The following POU6F2 variants were observed in gnomAD, a reference collection of about 807,000 sequenced individuals.
POU6F2 encodes POU class 6 homeobox 2.
A neutral mutation model predicts 71.3 loss-of-function variants in POU6F2; 31 were observed. That is an observed-to-expected ratio of 0.43 (90% CI 0.33 to 0.59). The LOEUF is 0.59. POU6F2 is among the 20% of genes least tolerant of loss of function. POU6F2 has a pLI of 0.04. For synonymous variants in POU6F2, 347 were observed against 355.7 expected (o/e 0.98, Z 0.27); for missense variants, 783 against 856.8 (o/e 0.91, Z 1.07).
chr7:39,233,917 G>T (rs1285736871), intron 4 of POU6F2, among the ~76,000 whole-genome samples: 1 of 152,112 alleles, frequency 6.6e-6, no homozygotes, highest in Non-Finnish European at 1.5e-5. Context: ...TTTCCTCTGA[G>T]GCTTTTCATT....
intron 6 of POU6F2, among the ~76,000 whole-genome samples, chr7:39,424,340 G>A (rs568976225): frequency 4.6e-5 from 7 of 152,088 alleles, no homozygotes; most frequent in South Asian, 4.1e-4. Context: ...TATTTTCATC[G>A]TCCTACTTTC....
chr7:39,152,992 AAC>A (rs1476651825), intron 2 of POU6F2, among the ~76,000 whole-genome samples: 2 of 152,168 alleles, frequency 1.3e-5, no homozygotes, highest in African/African-American at 2.4e-5. Flanking sequence ...TGGGTAAGAA[AAC>A]ACACAGAGTT....
intron 8 of POU6F2, among the ~76,000 whole-genome samples, chr7:39,454,531 CTG>C (rs1278291015): frequency 6.6e-6 from 1 of 150,424 alleles, no homozygotes; most frequent in Non-Finnish European, 1.5e-5. Flanking sequence ...TTTAGGAACT[CTG>C]TGTCAAGAAG....
At chr7:39,012,854 G>C (rs1215322465) in intron 1 of POU6F2, among the ~76,000 whole-genome samples, 8 of 152,208 alleles carry the variant, frequency 5.3e-5, no homozygotes, top group Non-Finnish European at 1.0e-4. Flanking sequence ...AGGGGTCAGG[G>C]ACCCACTTGA....
At chr7:39,267,639 T>A (rs945382350) in intron 4 of POU6F2, among the ~76,000 whole-genome samples, 1 of 134,466 alleles carries the variant, frequency 7.4e-6, no homozygotes, top group African/African-American at 2.5e-5. Context: ...ATATTTTATT[T>A]ATTTTTTTTT....
chr7:39,223,902 G>A (rs1028578227), intron 4 of POU6F2, among the ~76,000 whole-genome samples: 3 of 152,072 alleles, frequency 2.0e-5, no homozygotes, highest in Non-Finnish European at 4.4e-5. Flanking sequence ...AATTAAGTTG[G>A]TTCTTCACTT....
intron 4 of POU6F2, among the ~76,000 whole-genome samples, chr7:39,286,401 A>G (rs1784650142): frequency 6.6e-6 from 1 of 152,188 alleles, no homozygotes; most frequent in South Asian, 2.1e-4. Context: ...TCCTAATGTC[A>G]TTGTTTTAGA....
chr7:39,006,373 A>G (rs1303909766), intron 1 of POU6F2, among the ~76,000 whole-genome samples: 1 of 152,126 alleles, frequency 6.6e-6, no homozygotes, highest in East Asian at 1.9e-4. Flanking sequence ...GTGAGGCAGG[A>G]GAATTGCTTG....
intron 4 of POU6F2, among the ~76,000 whole-genome samples, chr7:39,250,625 G>T (rs184212260): frequency 6.6e-6 from 1 of 152,258 alleles, no homozygotes; most frequent in East Asian, 1.9e-4. Context: ...CAGTGGAAAC[G>T]AGAGAGGAGA....
intron 8 of POU6F2, among the ~76,000 whole-genome samples, chr7:39,454,952 A>T (rs1470640010): frequency 6.6e-6 from 1 of 151,726 alleles, no homozygotes; most frequent in Admixed American, 6.6e-5. Context: ...AGATGTTCAT[A>T]TGCAAAGAAA....
intron 5 of POU6F2, chr7:39,373,679 G>A (rs1195464909): frequency 2.9e-6 from 1 of 348,674 alleles, no homozygotes; most frequent in African/African-American, 2.1e-5. Flanking sequence ...TAAAGAATAA[G>A]CTCCCAGATT....
At chr7:39,448,466 G>T (rs1788576722) in intron 7 of POU6F2, among the ~76,000 whole-genome samples, 1 of 152,134 alleles carries the variant, frequency 6.6e-6, no homozygotes, top group Non-Finnish European at 1.5e-5. Flanking sequence ...TAAAATAAAT[G>T]ATTATTTACT....
chr7:39,345,487 G>C (rs192730073), intron 5 of POU6F2, among the ~76,000 whole-genome samples: 1 of 152,280 alleles, frequency 6.6e-6, no homozygotes. Flanking sequence ...CAAGGAAGGG[G>C]CTAGAAATCC....
intron 1 of POU6F2, among the ~76,000 whole-genome samples, chr7:39,024,284 A>C (rs1789747510): frequency 6.6e-6 from 1 of 151,552 alleles, no homozygotes; most frequent in South Asian, 2.1e-4. Flanking sequence ...ATGGGAGTTC[A>C]CTCATGATTT....
chr7:39,460,501 GCT>G lies in POU6F2; in HGVS notation c.1490-45_1490-44del. ...AACCGTAATAAACAGATATTGCTCGGCTGTGTGTTGACGTATTGATCCTATTT... is the reference window on the plus strand; with the variant it reads ...AACCGTAATAAACAGATATTGCTCGGGTGTGTTGACGTATTGATCCTATTT... On this transcript the variant is annotated intron_variant, in intron 8 of 9. Transcript: ENST00000518318. The surrounding 1 kb of genome is among the most constrained non-coding windows in gnomAD (Gnocchi z 4.4). 1 of 1,593,382 alleles carries G rather than the reference GCT, an allele frequency of 6.3e-7. No individual in the cohort carries two copies. The highest frequency in any genetic ancestry group is 8.6e-7 in the Non-Finnish European group (1 of 1,167,550).
At chr7:39,259,311 G>A (rs948022472) in intron 4 of POU6F2, among the ~76,000 whole-genome samples, 3 of 152,112 alleles carry the variant, frequency 2.0e-5, no homozygotes, top group Non-Finnish European at 2.9e-5. Context: ...TGTAATCCTG[G>A]GTAAGTTATT....
At chr7:39,026,851 A>G (rs1406420249) in intron 1 of POU6F2, among the ~76,000 whole-genome samples, 2 of 152,266 alleles carry the variant, frequency 1.3e-5, no homozygotes, top group South Asian at 2.1e-4. Context: ...CATTTGTACT[A>G]TGATGATGGA....
chr7:39,035,921 A>T (rs1562680178), intron 1 of POU6F2, among the ~76,000 whole-genome samples: 2 of 151,290 alleles, frequency 1.3e-5, no homozygotes, highest in African/African-American at 2.4e-5. Context: ...TCAAATAAAC[A>T]TTTTTTTTTA....
intron 2 of POU6F2, among the ~76,000 whole-genome samples, chr7:39,092,058 C>A (rs1173461704): frequency 6.6e-6 from 1 of 152,192 alleles, no homozygotes; most frequent in Non-Finnish European, 1.5e-5. Flanking sequence ...CAGAGGCAAT[C>A]GGAGAAGCAG....
Sources: allele counts gnomAD v4.1 joint callset (sites outside exome capture counted in the v4.1 genomes callset), GRCh38; gene constraint gnomAD v4.1.1; non-coding constraint Gnocchi (gnomAD v3.1); transcripts MANE v1.5; gene names NCBI Gene and HGNC (gene_info 2026-07-23, HGNC 2026-07-21).